GPC5: variants seen among roughly 807,000 people sequenced by gnomAD.
The protein encoded by GPC5 is glypican 5, also known as glypican-5.
A neutral mutation model predicts 53.9 loss-of-function variants in GPC5; 47 were observed. That is an observed-to-expected ratio of 0.87 (90% confidence interval 0.69 to 1.11). The LOEUF (loss-of-function observed/expected upper bound fraction) is 1.11, where lower values mean the gene tolerates loss of function less well. Among genes scored for constraint, GPC5 ranks in the 50% most tolerant of loss-of-function variants. The pLI is 0.00. For missense variants in GPC5, 748 were observed against 713.1 expected, an observed-to-expected ratio of 1.05 and a Z score of -0.56; for synonymous variants, 286 against 263.3, an observed-to-expected ratio of 1.09 and a Z score of -0.84.
intron 6 of GPC5, among the ~76,000 whole-genome samples, chr13:92,138,883 A>G (rs2041806904): frequency 6.6e-6 from 1 of 152,176 alleles, no homozygotes; most frequent in Admixed American, 6.5e-5. Flanking sequence ...GATATCTCAG[A>G]TCATGAAGCT....
chr13:92,416,540 T>C (rs556394980), intron 7 of GPC5, among the ~76,000 whole-genome samples: 2 of 152,314 alleles, frequency 1.3e-5, no homozygotes, highest in South Asian at 4.1e-4. Flanking sequence ...TTAAGTTGAA[T>C]CCCTACATCA....
intron 2 of GPC5, among the ~76,000 whole-genome samples, chr13:91,503,817 A>AATAATCATC (rs1555316221): frequency 0.018 from 2,597 of 147,394 alleles, 67 homozygotes; most frequent in African/African-American, 0.06. Flanking sequence ...TAATAATAAT[A>AATAATCATC]ATCAGGCTGT....
chr13:92,785,823 C>A (rs1034986539), intron 7 of GPC5, among the ~76,000 whole-genome samples: 1 of 152,130 alleles, frequency 6.6e-6, no homozygotes, highest in Non-Finnish European at 1.5e-5. Context: ...ATATTCTGTG[C>A]CTCCGTTTTT....
intron 7 of GPC5, among the ~76,000 whole-genome samples, chr13:92,431,412 A>G (rs1877078128): frequency 6.8e-6 from 1 of 147,064 alleles, no homozygotes; most frequent in South Asian, 2.1e-4. Flanking sequence ...TTTTTAAGCT[A>G]AAGTGATCAG....
chr13:91,957,458 G>C (rs921398607), intron 6 of GPC5, among the ~76,000 whole-genome samples: 2 of 152,058 alleles, frequency 1.3e-5, no homozygotes, highest in African/African-American at 2.4e-5. Context: ...TAGATATCCA[G>C]ATACAGGAAG....
chr13:91,929,325 G>T (rs2039798862), intron 6 of GPC5, among the ~76,000 whole-genome samples: 2 of 152,036 alleles, frequency 1.3e-5, no homozygotes, highest in South Asian at 4.1e-4. Context: ...TTATTAAATT[G>T]AGTAGACTTT....
intron 6 of GPC5, among the ~76,000 whole-genome samples, chr13:91,989,551 AATCTT>A (rs2040438394): frequency 1.3e-5 from 2 of 152,150 alleles, no homozygotes; most frequent in Non-Finnish European, 2.9e-5. Context: ...TTTGGTGTAA[AATCTT>A]GCATTCAAGG....
intron 7 of GPC5, among the ~76,000 whole-genome samples, chr13:92,724,032 C>T (rs1197831928): frequency 6.6e-6 from 1 of 151,218 alleles, no homozygotes; most frequent in Non-Finnish European, 1.5e-5. Flanking sequence ...ATTTTTTGCT[C>T]TTTTAATGTT....
intron 7 of GPC5, among the ~76,000 whole-genome samples, chr13:92,237,109 CTT>C (rs2042576221): frequency 1.3e-5 from 2 of 152,120 alleles, no homozygotes; most frequent in Admixed American, 6.6e-5. Context: ...TGAAAACTCT[CTT>C]GAGCTTTTGC....
chr13:91,460,853 T>G (rs1298680962), intron 2 of GPC5, among the ~76,000 whole-genome samples: 1 of 152,034 alleles, frequency 6.6e-6, no homozygotes, highest in East Asian at 1.9e-4. Flanking sequence ...AAGGATAAGA[T>G]AAAATGAAAA....
chr13:91,621,526 A>G (rs1236935448), intron 2 of GPC5, among the ~76,000 whole-genome samples: 1 of 152,000 alleles, frequency 6.6e-6, no homozygotes, highest in Non-Finnish European at 1.5e-5. Flanking sequence ...TTCCCTGGAT[A>G]TGTCTGATAG....
intron 7 of GPC5, among the ~76,000 whole-genome samples, chr13:92,732,181 A>G (rs970275507): frequency 6.6e-6 from 1 of 151,590 alleles, no homozygotes; most frequent in Non-Finnish European, 1.5e-5. Flanking sequence ...TCAAAACAGT[A>G]TATGCTCTTT....
intron 6 of GPC5, among the ~76,000 whole-genome samples, chr13:91,943,812 G>A (rs960702268): frequency 1.3e-5 from 2 of 151,890 alleles, no homozygotes; most frequent in African/African-American, 4.8e-5. Context: ...TTAAATCATG[G>A]AAAATGAATG....
intron 7 of GPC5, among the ~76,000 whole-genome samples, chr13:92,853,248 A>G (rs1302763898): frequency 1.3e-5 from 2 of 152,170 alleles, no homozygotes; most frequent in Non-Finnish European, 2.9e-5. Flanking sequence ...ATCAACCCCA[A>G]TCTGAAGACA....
At chr13:91,757,273 T>C (rs2037315899) in intron 5 of GPC5, among the ~76,000 whole-genome samples, 2 of 152,148 alleles carry the variant, frequency 1.3e-5, no homozygotes, top group Non-Finnish European at 2.9e-5. Context: ...AAAATAAATA[T>C]ATTTTTTATT....
At chr13:92,800,578 T>C (rs1053800789) in intron 7 of GPC5, among the ~76,000 whole-genome samples, 46 of 152,022 alleles carry the variant, frequency 3.0e-4, no homozygotes, top group African/African-American at 1.1e-3. Flanking sequence ...TCCAGGATCT[T>C]GCTCCTGCTT....
chr13:91,643,941 T>C (rs942678348), intron 2 of GPC5, among the ~76,000 whole-genome samples: 1 of 151,260 alleles, frequency 6.6e-6, no homozygotes, highest in Non-Finnish European at 1.5e-5. Flanking sequence ...AAAAGTCACA[T>C]TTTGAGCTTA....
intron 7 of GPC5, among the ~76,000 whole-genome samples, chr13:92,621,721 A>C (rs1288590485): frequency 6.6e-6 from 1 of 151,998 alleles, no homozygotes; most frequent in Middle Eastern, 3.2e-3. Context: ...ATGGGGGCTG[A>C]GGCATGGGAA....
At chr13:91,574,499 C>T (rs940532654) in intron 2 of GPC5, among the ~76,000 whole-genome samples, 18 of 151,652 alleles carry the variant, frequency 1.2e-4, no homozygotes, top group African/African-American at 3.6e-4. Context: ...AATAAGGGAC[C>T]GACAGAACAA....
Sources: allele counts gnomAD v4.1 joint callset (sites outside exome capture counted in the v4.1 genomes callset), GRCh38; gene constraint gnomAD v4.1.1; transcripts MANE v1.5; gene names NCBI Gene and HGNC (gene_info 2026-07-23, HGNC 2026-07-21).